The following SNTG2 variants were observed in gnomAD, a reference collection of about 807,000 sequenced individuals.
SNTG2 encodes gamma-2-syntrophin.
SNTG2 carries 74 observed loss-of-function variants against 70.9 expected under a neutral mutation model. The ratio of observed to expected loss-of-function variants is 1.04; its 90% CI spans 0.86 to 1.27. The LOEUF is 1.27. SNTG2 is among the 50% of genes most tolerant of loss of function. The pLI is 0.00. For missense variants in SNTG2, 717 were observed against 690.7 expected, an observed-to-expected ratio of 1.04 and a Z score of -0.43; for synonymous variants, 278 against 273.8, an observed-to-expected ratio of 1.02 and a Z score of -0.15.
At chr2:1,116,488 G>A (rs1434750555) in intron 4 of SNTG2, among the ~76,000 whole-genome samples, 1 of 151,634 alleles carries the variant, frequency 6.6e-6, no homozygotes, top group African/African-American at 2.4e-5. Context: ...TTCGGTGTAT[G>A]GGTGCCCTGG....
intron 1 of SNTG2, among the ~76,000 whole-genome samples, chr2:1,028,396 T>A (rs1460727372): frequency 3.3e-5 from 5 of 152,254 alleles, no homozygotes; most frequent in African/African-American, 9.6e-5. Context: ...TACCTGGGTA[T>A]TCACTGACTG....
intron 9 of SNTG2, among the ~76,000 whole-genome samples, chr2:1,221,860 T>C (rs1293272623): frequency 7.8e-5 from 1 of 12,786 alleles, no homozygotes; most frequent in African/African-American, 5.2e-4. Context: ...TCTGTCTCTG[T>C]CTCTGTCTCT....
chr2:1,191,200 A>C (rs1672572401), intron 8 of SNTG2, among the ~76,000 whole-genome samples: 2 of 152,150 alleles, frequency 1.3e-5, no homozygotes, highest in South Asian at 4.1e-4. Context: ...CTCCCTTATC[A>C]TATCTCTTTT....
At chr2:1,339,285 T>C (rs1351696061) in intron 16 of SNTG2, among the ~76,000 whole-genome samples, 2 of 152,238 alleles carry the variant, frequency 1.3e-5, no homozygotes, top group African/African-American at 2.4e-5. Context: ...ATATATGATG[T>C]GTAAATATTT....
At chr2:1,034,347 A>G (rs4971338) in intron 1 of SNTG2, among the ~76,000 whole-genome samples, 66,557 of 152,088 alleles carry the variant, frequency 0.44, 15,666 homozygotes, top group African/African-American at 0.61. Context: ...TCTTTATCCA[A>G]TCTACCACTG....
In SNTG2 at chr2:1,296,994, G is replaced by A. The variant is rs182094879; in HGVS notation, c.1285-11500G>A. Among the ~76,000 whole-genome samples, 377 of 152,244 alleles carry A rather than the reference G, an allele frequency of 2.5e-3. 1 individual carries two copies. Among genetic ancestry groups the A allele is most frequent in the Non-Finnish European group, 4.5e-3 (303 of 68,016 alleles). ...GAACATCCAGCCTCACAGAGATTCCGGGTGCCTAACTTCACTGTCCAGGGC... is the reference window on the plus strand; with the variant it reads ...GAACATCCAGCCTCACAGAGATTCCAGGTGCCTAACTTCACTGTCCAGGGC... On this transcript the variant is annotated intron_variant, in intron 14 of 16. Transcript: ENST00000308624.
At chr2:1,215,559 C>CT (rs201938266) in intron 9 of SNTG2, among the ~76,000 whole-genome samples, 1,718 of 132,648 alleles carry the variant, frequency 0.013, 34 homozygotes, top group African/African-American at 0.048. Flanking sequence ...TCTTTTTTTT[C>CT]TTTTTTTTAT....
At chr2:1,114,813 C>T (rs563633649) in intron 4 of SNTG2, among the ~76,000 whole-genome samples, 4 of 152,144 alleles carry the variant, frequency 2.6e-5, no homozygotes, top group African/African-American at 9.6e-5. Context: ...CCCTTATAGT[C>T]CTTTGAGGAG....
At chr2:1,308,672 T>A (rs1435259499) in intron 15 of SNTG2, 86 bp downstream of exon 15, 3 of 1,107,018 alleles carry the variant, frequency 2.7e-6, no homozygotes, top group African/African-American at 1.6e-5. Flanking sequence ...GCATGTCTGG[T>A]AGAAGCCACC....
chr2:1,252,053 G>A (rs1302495722), intron 12 of SNTG2, among the ~76,000 whole-genome samples: 1 of 152,186 alleles, frequency 6.6e-6, no homozygotes, highest in Admixed American at 6.5e-5. Flanking sequence ...CAAGAACTGG[G>A]TAGCCATAGA....
At chr2:1,104,675 T>C (rs1353413221) in intron 4 of SNTG2, among the ~76,000 whole-genome samples, 4 of 152,168 alleles carry the variant, frequency 2.6e-5, no homozygotes, top group East Asian at 1.9e-4. Context: ...GTGCTGGCAT[T>C]GTGAAAACCT....
rs78211789 is a variant in SNTG2 at position 1,347,590 on chromosome 2, C to T, written c.1489-19753C>T. On this transcript the variant is annotated intron_variant, in intron 16 of 16. Transcript: ENST00000308624. ...CATGTCCTGTCAGGCCCCTGTCTGG[C>T]TCCCATCACTGTATGTGTGAACCCG... is the stretch of plus-strand genomic sequence containing the variant. 5.7e-4 allele frequency among the ~76,000 whole-genome samples: 87 copies of T among 152,362 alleles called. 1 individual carries two copies. In the East Asian group the frequency reaches 0.016, roughly 28 times the overall value.
Position 1,092,498 on chromosome 2 carries a change from G to A in SNTG2, c.211-5698G>A, listed in dbSNP as rs181708744. Among the ~76,000 whole-genome samples, 245 of 152,346 alleles carry A rather than the reference G, an allele frequency of 1.6e-3. 2 individuals are homozygous for A. Among genetic ancestry groups the A allele is most frequent in the African/African-American group, 5.6e-3 (234 of 41,586 alleles). On this transcript the variant is annotated intron_variant, in intron 2 of 16. Transcript: ENST00000308624. ...GGCTGGTGGCCATGGTACAGGCGCAGTGTTTTACCTGTAGAACTGATTGAA... is the reference window on the plus strand; with the variant it reads ...GGCTGGTGGCCATGGTACAGGCGCAATGTTTTACCTGTAGAACTGATTGAA...
chr2:1,193,918 G>A (rs1672747960), intron 8 of SNTG2, among the ~76,000 whole-genome samples: 1 of 152,152 alleles, frequency 6.6e-6, no homozygotes, highest in Admixed American at 6.5e-5. Flanking sequence ...CTGACTTTCC[G>A]AGTGGAGCTT....
At chr2:1,216,089 C>CAA (rs1674373126) in intron 9 of SNTG2, among the ~76,000 whole-genome samples, 1 of 152,186 alleles carries the variant, frequency 6.6e-6, no homozygotes, top group Admixed American at 6.5e-5. Flanking sequence ...ATGGCTGGGT[C>CAA]AAATGCTATT....
intron 16 of SNTG2, among the ~76,000 whole-genome samples, chr2:1,362,765 A>G (rs1401219700): frequency 6.6e-6 from 1 of 151,896 alleles, no homozygotes; most frequent in Non-Finnish European, 1.5e-5. Context: ...AACTTCCACG[A>G]AGGTCACCGA....
At chr2:1,326,120 G>A (rs559136926) in intron 16 of SNTG2, among the ~76,000 whole-genome samples, 15 of 152,150 alleles carry the variant, frequency 9.9e-5, no homozygotes, top group East Asian at 1.9e-4. Context: ...GGCATGAGCC[G>A]CTGCACCCAG....
At chr2:1,083,750 A>C in intron 2 of SNTG2, 95 bp downstream of exon 2, 1 of 1,396,414 alleles carries the variant, frequency 7.2e-7, no homozygotes. Flanking sequence ...TTGCTGAGCA[A>C]AAGCTGCTAC....
intron 1 of SNTG2, among the ~76,000 whole-genome samples, chr2:987,078 C>G (rs530761716): frequency 6.6e-6 from 1 of 152,330 alleles, no homozygotes; most frequent in South Asian, 2.1e-4. Context: ...GAAAACACAG[C>G]CTCTATCCTC....
Sources: allele counts gnomAD v4.1 joint callset (sites outside exome capture counted in the v4.1 genomes callset), GRCh38; gene constraint gnomAD v4.1.1; transcripts MANE v1.5; gene names NCBI Gene and HGNC (gene_info 2026-07-23, HGNC 2026-07-21).